Variants in PHC1 observed in about 807,000 individuals in gnomAD.
The protein encoded by PHC1 is polyhomeotic-like protein 1.
In PHC1, 12 loss-of-function variants were observed where a neutral mutation model predicts 104.3. The ratio of observed to expected loss-of-function variants is 0.12; its 90% confidence interval spans 0.07 to 0.19. The LOEUF (loss-of-function observed/expected upper bound fraction) is 0.19. Ranked by LOEUF, PHC1 falls within the 10% of genes least tolerant of loss-of-function variation. The pLI is 1.00. For missense variants in PHC1, 671 were observed against 1,200.0 expected, an observed-to-expected ratio of 0.56 and a Z score of 6.51; for synonymous variants, 302 against 455.8, an observed-to-expected ratio of 0.66 and a Z score of 4.30.
In PHC1 at chr12:8,934,135, T is replaced by C. The variant is rs759908700; in HGVS notation, c.2041+123T>C. On this transcript the variant is annotated intron_variant, in intron 9 of 14. Transcript: ENST00000544916. The stretch of plus-strand genomic sequence containing the variant: ...AGAAGTTGGTGGACAAATGAATAGA[T>C]CCAAAAACAGGGAATCCAGGTGAAT... The C allele has an allele frequency of 1.4e-5, 19 of 1,340,174 alleles. No individual in the cohort carries two copies. The African/African-American group carries it at 2.3e-4, about 16-fold the overall frequency. 83.0% of individuals were successfully genotyped at this position (1,340,174 alleles called of 1,614,324 possible). A position where few individuals can be genotyped will look rare whatever the true frequency, so the allele number is the denominator to read the frequency against.
At chr12:8,920,857 C>G (rs1945342009) in intron 3 of PHC1, 128 bp from the exon 4 acceptor site, 3 of 632,972 alleles carry the variant, frequency 4.7e-6, no homozygotes, top group South Asian at 4.1e-5. Flanking sequence ...TTTCTTTACC[C>G]TAAAGTGGAA....
At chr12:8,936,711 T>C (rs1048397171) in intron 11 of PHC1, 145 bp from the exon 12 acceptor site, 1 of 624,374 alleles carries the variant, frequency 1.6e-6, no homozygotes. Flanking sequence ...TTTTGAACTT[T>C]GCGTTTTAGG....
At chr12:8,926,427 G>C (rs1251628966) in intron 6 of PHC1, among the ~76,000 whole-genome samples, 1 of 149,180 alleles carries the variant, frequency 6.7e-6, no homozygotes, top group Non-Finnish European at 1.5e-5. Context: ...GACCAACCTG[G>C]GCAGCGTAGT....
intron 8 of PHC1, 34 bp downstream of exon 8, chr12:8,933,384 T>G (rs1485567094): frequency 6.6e-7 from 1 of 1,515,342 alleles, no homozygotes; most frequent in Non-Finnish European, 8.9e-7. Flanking sequence ...AGGGCACTAT[T>G]ATGCATGAGA....
chr12:8,922,604 T>C (rs1294853968), intron 5 of PHC1, 29 bp from the exon 6 acceptor site: 2 of 1,548,922 alleles, frequency 1.3e-6, no homozygotes, highest in South Asian at 2.4e-5. Flanking sequence ...TCTTGTCCTC[T>C]TTGCTCTTCC....
In PHC1 at chr12:8,919,728, C is replaced by A. The variant is rs1485491464; in HGVS notation, c.115-28C>A. The A allele has an allele frequency of 6.3e-7, 1 of 1,599,856 alleles. No individual in the cohort carries two copies. The highest frequency in any genetic ancestry group is 8.5e-7 in the Non-Finnish European group (1 of 1,171,648). ...GAATAGGAGCTAGGAGTGGTCCATT[C>A]TAAATGTTTTATCCTCTCTTTTCCT... On this transcript the variant is annotated intron_variant, in intron 2 of 14. Coordinates refer to ENST00000544916, the MANE Select transcript of PHC1 (RefSeq NM_004426.3). This position sits in a 1 kb window ranked among gnomAD's most constrained non-coding sequence, Gnocchi z 4.9.
At chr12:8,917,156 G>A (rs1945226779) in intron 1 of PHC1, among the ~76,000 whole-genome samples, 1 of 152,228 alleles carries the variant, frequency 6.6e-6, no homozygotes, top group Non-Finnish European at 1.5e-5. Flanking sequence ...TACTATGAGA[G>A]AGATACAGCA....
intron 6 of PHC1, among the ~76,000 whole-genome samples, chr12:8,925,975 T>C (rs943143121): frequency 6.6e-6 from 1 of 152,130 alleles, no homozygotes; most frequent in African/African-American, 2.4e-5. Context: ...AATGCATAGA[T>C]TTGAGGATAA....
intron 11 of PHC1, 51 bp from the exon 12 acceptor site, chr12:8,936,805 G>A: frequency 1.8e-6 from 2 of 1,142,766 alleles, no homozygotes; most frequent in Non-Finnish European, 2.6e-6. Context: ...ATGATTGCCT[G>A]AGGGGCAGCA....
Position 8,930,839 on chromosome 12 carries a change from A to C in PHC1, c.1017A>C (p.Ala339=). 1 of 1,532,812 alleles carries C rather than the reference A, an allele frequency of 6.5e-7. No homozygotes were observed. The highest frequency in any genetic ancestry group is 1.3e-5 in the South Asian group (1 of 79,214). The allele number at this position is 1,532,812 out of a possible 1,614,324, so 95.0% of individuals were successfully genotyped here. ...TEAESAAAKK[A]EADGSGQQNV... Reference sequence around the variant, plus strand: ...CAGAAAGTGCAGCAGCCAAGAAGGCAGAAGCAGATGGGAGTGGCCAGCAGA... The same window carrying C: ...CAGAAAGTGCAGCAGCCAAGAAGGCCGAAGCAGATGGGAGTGGCCAGCAGA... The change falls in exon 7 of 15, where the codon GCA becomes GCC. Residue 339 remains alanine, a synonymous_variant. Coordinates refer to ENST00000544916, the MANE Select transcript of PHC1 (RefSeq NM_004426.3).
chr12:8,935,918 GC>G (rs1945825127), intron 11 of PHC1, among the ~76,000 whole-genome samples: 1 of 151,934 alleles, frequency 6.6e-6, no homozygotes, highest in African/African-American at 2.4e-5. Flanking sequence ...GCGCCACCAC[GC>G]CTGGCTAATT....
In PHC1 at chr12:8,933,935, T is replaced by G; in HGVS notation, c.1964T>G (p.Leu655Trp). The G allele has an allele frequency of 6.2e-7, 1 of 1,612,022 alleles. No individual in the cohort carries two copies. The highest frequency in any genetic ancestry group is 8.5e-7 in the Non-Finnish European group (1 of 1,178,056). The change falls in exon 9 of 15, where the codon TTG (leucine) becomes TGG (tryptophan). Residue 655 changes from leucine to tryptophan, a missense_variant. Around this residue, in one of 9 missense-constraint regions of PHC1, gnomAD observed 95 missense variants for 108.8 expected, o/e 0.87. Coordinates refer to ENST00000544916, the MANE Select transcript of PHC1 (RefSeq NM_004426.3). ...GAGGAGAGAGATGATGTCTCCACAT[T>G]GGGTTCAATGCTTCCTGCCAAGGCA... ...SEEERDDVST[L>W]GSMLPAKASP... is the part of the protein sequence containing the mutation.
At chr12:8,922,858 C>G in intron 6 of PHC1, 70 bp downstream of exon 6, 1 of 1,378,210 alleles carries the variant, frequency 7.3e-7, no homozygotes. Flanking sequence ...GGACCTGGGT[C>G]CACCCTTCTG....
chr12:8,925,496 G>A (rs2137084865), intron 6 of PHC1, among the ~76,000 whole-genome samples: 1 of 152,276 alleles, frequency 6.6e-6, no homozygotes, highest in East Asian at 1.9e-4. Flanking sequence ...CTTTGGCATG[G>A]GGTGTAAAAG....
intron 5 of PHC1, among the ~76,000 whole-genome samples, chr12:8,922,277 A>G (rs866882372): frequency 6.6e-6 from 1 of 152,210 alleles, no homozygotes; most frequent in South Asian, 2.1e-4. Flanking sequence ...ATTTGACTAA[A>G]TTAGTGTTAG....
intron 9 of PHC1, 115 bp from the exon 10 acceptor site, chr12:8,934,152 C>G: frequency 1.5e-6 from 2 of 1,299,836 alleles, no homozygotes; most frequent in Non-Finnish European, 2.2e-6. Flanking sequence ...ACAGGGAATC[C>G]AGGTGAATTG....
intron 6 of PHC1, among the ~76,000 whole-genome samples, chr12:8,926,306 T>C (rs987389681): frequency 6.6e-6 from 1 of 152,196 alleles, no homozygotes; most frequent in African/African-American, 2.4e-5. Flanking sequence ...ATTAGTTTAC[T>C]CTCCTCAGTC....
rs757053287 is a variant in PHC1 at position 8,914,679 on chromosome 12, G to A, written c.-197G>A. ...GCCGGGCGCCTCCCACCCCGCCCTC[G>A]GCGCCCCCGCCCCTCCAGGAAGGGG... On this transcript the variant is annotated 5_prime_UTR_variant, in exon 1 of 15. Transcript: ENST00000544916. The A allele has an allele frequency of 2.7e-5, 4 of 150,544 alleles. No homozygotes were observed. The highest frequency in any genetic ancestry group is 7.3e-5 in the African/African-American group (3 of 41,210). 9.3% of individuals were successfully genotyped at this position (150,544 alleles called of 1,614,324 possible).
chr12:8,934,062 T>C (rs993968922), intron 9 of PHC1, 50 bp downstream of exon 9: 1 of 1,585,968 alleles, frequency 6.3e-7, no homozygotes, highest in Middle Eastern at 1.7e-4. Context: ...AGTAGAGGAA[T>C]GTTCTGAGTG....
Sources: gnomAD v4.1 joint callset for allele counts (sites outside exome capture counted in the v4.1 genomes callset) on GRCh38, gnomAD v4.1.1 for gene constraint, gnomAD v4.1.1 regional missense constraint, Gnocchi (gnomAD v3.1) non-coding constraint, MANE v1.5 for transcripts, NCBI Gene and HGNC (gene_info 2026-07-23, HGNC 2026-07-21) for gene names.